The following SPATA1 variants were observed in gnomAD, a reference collection of about 807,000 sequenced individuals.
SPATA1 encodes the protein spermatogenesis-associated protein 1.
A neutral mutation model predicts 59.6 loss-of-function variants in SPATA1; 57 were observed. That is an observed-to-expected ratio of 0.96 (90% CI 0.77 to 1.19). The LOEUF (loss-of-function observed/expected upper bound fraction) is 1.19, where lower values mean the gene tolerates loss of function less well. Ranked by LOEUF, SPATA1 falls within the 50% of genes most tolerant of loss-of-function variation. The pLI is 0.00. For missense variants in SPATA1, 448 were observed against 480.7 expected (o/e 0.93, Z 0.64); for synonymous variants, 147 against 163.9 (o/e 0.90, Z 0.79).
chr1:84,526,404 T>C (rs1005504015), intron 6 of SPATA1, among the ~76,000 whole-genome samples: 1 of 152,168 alleles, frequency 6.6e-6, no homozygotes, highest in Non-Finnish European at 1.5e-5. Flanking sequence ...TGCATAAAAC[T>C]TTGGTATTAC....
chr1:84,559,977 G>C (rs1053931309), intron 4 of SPATA1, among the ~76,000 whole-genome samples: 15 of 151,454 alleles, frequency 9.9e-5, no homozygotes, highest in African/African-American at 3.6e-4. Context: ...CCCACCTATG[G>C]GGGAAGCTGA....
chr1:84,557,988 C>G (rs1246617163), downstream of SPATA1, among the ~76,000 whole-genome samples: 1 of 151,642 alleles, frequency 6.6e-6, no homozygotes, highest in African/African-American at 2.4e-5. Flanking sequence ...TTCATAGAAA[C>G]AGAGTAAAAA....
downstream of SPATA1, among the ~76,000 whole-genome samples, chr1:84,558,744 T>TA (rs1684526626): frequency 6.6e-6 from 1 of 151,314 alleles, no homozygotes; most frequent in Non-Finnish European, 1.5e-5. Flanking sequence ...CTACAAAAAG[T>TA]AAAAAAATCA....
At chr1:84,512,955 A>G (rs1682635547) in intron 1 of SPATA1, among the ~76,000 whole-genome samples, 1 of 152,210 alleles carries the variant, frequency 6.6e-6, no homozygotes, top group Non-Finnish European at 1.5e-5. Context: ...GGTTATTGAG[A>G]TATCAGTCTC....
chr1:84,554,742 C>T (rs972826677), downstream of SPATA1: 6 of 306,354 alleles, frequency 2.0e-5, 1 homozygote, highest in Admixed American at 2.7e-4. Context: ...AGCAATTTTT[C>T]CCAATTAAAT....
intron 4 of SPATA1, among the ~76,000 whole-genome samples, chr1:84,523,186 T>C (rs370506195): frequency 6.6e-6 from 1 of 152,128 alleles, no homozygotes; most frequent in East Asian, 1.9e-4. Context: ...ATTACAAGCA[T>C]GAGCCACCTT....
chr1:84,508,923 A>C (rs1357095438), intron 1 of SPATA1, among the ~76,000 whole-genome samples: 6 of 152,174 alleles, frequency 3.9e-5, no homozygotes, highest in Non-Finnish European at 8.8e-5. Context: ...AGAGGACACA[A>C]AAAAAATGGG....
intron 3 of SPATA1, among the ~76,000 whole-genome samples, chr1:84,521,439 C>T (rs1488801281): frequency 6.6e-6 from 1 of 152,178 alleles, no homozygotes; most frequent in East Asian, 1.9e-4. Flanking sequence ...CATCAGCCTC[C>T]TTTCTGTTCT....
At chr1:84,525,845 G>T in exon 6 of SPATA1, 1 of 1,610,010 alleles carries the variant, frequency 6.2e-7, no homozygotes, top group Non-Finnish European at 8.5e-7. Context: ...TATGTTTTAG[G>T]CTCTTCAACC....
chr1:84,552,968 G>T, intron 12 of SPATA1: 2 of 1,079,406 alleles, frequency 1.9e-6, no homozygotes, highest in South Asian at 3.1e-5. Flanking sequence ...CTGTTTACAT[G>T]ACAACTATGA....
exon 3 of SPATA1, chr1:84,520,652 C>T (rs750829842): frequency 1.6e-5 from 25 of 1,577,332 alleles, no homozygotes; most frequent in Non-Finnish European, 2.0e-5. Context: ...ACCATTTCAA[C>T]AGAAGTTGTT....
intron 11 of SPATA1, chr1:84,550,172 T>C (rs1465579561): frequency 4.2e-6 from 1 of 237,616 alleles, no homozygotes; most frequent in Non-Finnish European, 8.1e-6. Context: ...AACTAAGATA[T>C]TATTCCTTTC....
chr1:84,516,744 G>A (rs1300214904), intron 2 of SPATA1, among the ~76,000 whole-genome samples: 3 of 152,048 alleles, frequency 2.0e-5, no homozygotes, highest in Non-Finnish European at 4.4e-5. Context: ...TCACTTCATT[G>A]TGCTGCTTGG....
At chr1:84,506,809 C>G (rs1007805145) in intron 1 of SPATA1, 1 of 152,316 alleles carries the variant, frequency 6.6e-6, no homozygotes, top group African/African-American at 2.4e-5. Flanking sequence ...CGCTGATTCG[C>G]TGGAGAAGGG....
chr1:84,535,074 A>T (rs1433054355), intron 8 of SPATA1, among the ~76,000 whole-genome samples: 7 of 152,124 alleles, frequency 4.6e-5, no homozygotes, highest in Non-Finnish European at 1.0e-4. Flanking sequence ...TTCAGTTGAG[A>T]TCCTCAGATA....
intron 11 of SPATA1, chr1:84,549,541 C>T (rs1684207952): frequency 6.6e-6 from 1 of 151,998 alleles, no homozygotes; most frequent in African/African-American, 2.4e-5. Context: ...GGCGGGAGGG[C>T]TTATAACACC....
At chr1:84,548,940 T>C in exon 11 of SPATA1, 13 of 1,588,812 alleles carry the variant, frequency 8.2e-6, no homozygotes, top group Non-Finnish European at 1.1e-5. Context: ...GACCAAAGAA[T>C]CTGGCAAACA....
At chr1:84,543,883 A>G (rs1165247597) in intron 8 of SPATA1, among the ~76,000 whole-genome samples, 1 of 152,242 alleles carries the variant, frequency 6.6e-6, no homozygotes, top group Admixed American at 6.5e-5. Context: ...AAATATTAAT[A>G]GGCATCTTAG....
chr1:84,532,992 T>C lies in SPATA1; in HGVS notation c.659+18T>C, dbSNP rs371928515. 2.7e-6 allele frequency: 4 copies of C among 1,455,074 alleles called. No homozygotes were observed. The African/African-American group carries it at 5.6e-5, about 20-fold the overall frequency. 90.1% of individuals were successfully genotyped at this position (1,455,074 alleles called of 1,614,324 possible). On this transcript the variant is annotated intron_variant, in intron 7 of 12. Coordinates refer to ENST00000490879, the Ensembl canonical transcript of SPATA1. ...AAAAAAAGGTAATTAGTATAGATGC[T>C]GATTCCACATGCCATAATCTAAACA...
Sources: gnomAD v4.1 joint callset for allele counts (sites outside exome capture counted in the v4.1 genomes callset) on GRCh38, gnomAD v4.1.1 for gene constraint, MANE v1.5 for transcripts, NCBI Gene and HGNC (gene_info 2026-07-23, HGNC 2026-07-21) for gene names.